Variants in TMX2 observed in about 807,000 individuals in gnomAD.
TMX2 encodes thioredoxin-related transmembrane protein 2.
In TMX2, 20 loss-of-function variants were observed where a neutral mutation model predicts 33.4. The observed-to-expected ratio is 0.60, with a 90% CI of 0.42 to 0.87. TMX2 has a LOEUF of 0.87. Ranked by LOEUF, TMX2 falls within the 40% of genes least tolerant of loss-of-function variation. The pLI is 0.00. For missense variants in TMX2, 340 were observed against 370.7 expected, an observed-to-expected ratio of 0.92 and a Z score of 0.68; for synonymous variants, 166 against 140.7, an observed-to-expected ratio of 1.18 and a Z score of -1.27.
intron 1 of TMX2, among the ~76,000 whole-genome samples, chr11:57,716,752 A>G (rs1389386617): frequency 1.9e-5 from 2 of 107,396 alleles, no homozygotes; most frequent in African/African-American, 7.4e-5. Flanking sequence ...GTGGCTGGCC[A>G]GGCAGAGGGG....
chr11:57,713,078 G>C (rs528917997), intron 1 of TMX2, among the ~76,000 whole-genome samples: 44 of 152,296 alleles, frequency 2.9e-4, no homozygotes, highest in African/African-American at 9.9e-4. Flanking sequence ...TCACCATTGA[G>C]ACTAATTAAC....
At chr11:57,737,753 A>G (rs1565234096) in intron 2 of TMX2, 85 bp downstream of exon 2, 2 of 1,564,618 alleles carry the variant, frequency 1.3e-6, no homozygotes, top group South Asian at 1.1e-5. Flanking sequence ...AGTGGCAATC[A>G]TTTGGTAAAT....
intron 1 of TMX2, among the ~76,000 whole-genome samples, chr11:57,724,077 A>T (rs1347762137): frequency 6.6e-6 from 1 of 151,940 alleles, no homozygotes; most frequent in East Asian, 1.9e-4. Context: ...TTTAAAAAAA[A>T]CTTTAGTGGA....
chr11:57,724,963 C>T lies in TMX2; in HGVS notation c.189+12156C>T, dbSNP rs548300563. ...TGGGGCAGGAGAATCACTTTGAACT[C>T]GGGTGGCAGAGGTTGCAGTGAGCCA... On this transcript the variant is annotated intron_variant, in intron 1 of 7. Coordinates refer to ENST00000278422, the MANE Select transcript of TMX2 (RefSeq NM_015959.4). Among the ~76,000 whole-genome samples the T allele has an allele frequency of 5.4e-5, 8 of 148,298 alleles. No individual in the cohort carries two copies. In the East Asian group the frequency reaches 8.1e-4, roughly 15 times the overall value.
intron 1 of TMX2, among the ~76,000 whole-genome samples, chr11:57,730,426 TAAAAAAAAAAAAA>T (rs61228178): frequency 4.2e-5 from 1 of 23,570 alleles, no homozygotes; most frequent in Admixed American, 8.9e-4. Context: ...AAACTGTCTT[TAAAAAAAAAAAAA>T]AAAAAAAAAA....
Position 57,712,799 on chromosome 11 carries a change from T to G in TMX2, c.181T>G (p.Phe61Val). 6.2e-7 allele frequency: 1 copy of G among 1,614,068 alleles called. No homozygotes were observed. Among genetic ancestry groups the G allele is most frequent in the Non-Finnish European group, 8.5e-7 (1 of 1,180,028 alleles). ...TQREDGNPCDFDWREVEILMF... is the reference protein window; with the variant it reads ...TQREDGNPCDVDWREVEILMF... ...ACGCGAAGACGGTAACCCGTGTGAC[T>G]TTGACTGGGTGAGCCTCCCGCGTGT... Residue 61 changes from phenylalanine (F) to valine (V), a missense_variant, in exon 1 of 8, where the codon TTT (phenylalanine) becomes GTT (valine). Physicochemically the swap from Phe to Val is conservative, Grantham distance 50. Coordinates refer to ENST00000278422, the MANE Select transcript of TMX2 (RefSeq NM_015959.4).
Position 57,712,666 on chromosome 11 carries a change from A to C in TMX2, c.48A>C (p.Arg16=), listed in dbSNP as rs1946679560. The C allele has an allele frequency of 6.2e-6, 10 of 1,614,154 alleles. No individual in the cohort carries two copies. Among genetic ancestry groups the C allele is most frequent in the Non-Finnish European group, 8.5e-6 (10 of 1,180,028 alleles). ...PLIALVYSVP[R]LSRWLAQPYY... is the part of the protein sequence containing the mutation. ...TTGCTCTCGTGTATTCGGTGCCGCG[A>C]CTTTCACGATGGCTCGCCCAACCTT... Residue 16 remains arginine, a synonymous_variant, in exon 1 of 8, where the codon CGA becomes CGC. Transcript: ENST00000278422.
intron 1 of TMX2, among the ~76,000 whole-genome samples, chr11:57,716,779 A>G (rs1288639088): frequency 4.0e-5 from 5 of 125,846 alleles, no homozygotes; most frequent in African/African-American, 1.5e-4. Context: ...ACTTCCCAGT[A>G]GGGGCGGCTG....
At chr11:57,731,433 CT>C (rs140987390) in intron 1 of TMX2, among the ~76,000 whole-genome samples, 2,736 of 67,058 alleles carry the variant, frequency 0.041, 53 homozygotes, top group African/African-American at 0.13. Flanking sequence ...CGCACCCAGC[CT>C]TTTTTTTTTT....
In TMX2 at chr11:57,739,191, T is replaced by A; in HGVS notation, c.675T>A (p.Gly225=). 6.2e-7 allele frequency: 1 copy of A among 1,613,986 alleles called. No individual in the cohort carries two copies. The highest frequency in any genetic ancestry group is 1.1e-5 in the South Asian group (1 of 91,064). ...TCCCTACCCTGATCCTGTTCCAAGG[T>A]GGCAAGGAGGCAATGCGGCGGCCAC... ...KQLPTLILFQ[G]GKEAMRRPQI... is the part of the protein sequence containing the mutation. Residue 225 remains glycine, a synonymous_variant, in exon 7 of 8, where the codon GGT becomes GGA. Coordinates refer to ENST00000278422, the MANE Select transcript of TMX2 (RefSeq NM_015959.4).
rs35186072 is a variant in TMX2, at chr11:57,712,732, C to T, written c.114C>T (p.Leu38=). ...CCCTGCTCTCTGCTGCCTTCCTACT[C>T]GTGAGGAAACTGCCGCCGCTCTGCC... The part of the protein sequence containing the change: ...LSALLSAAFL[L]VRKLPPLCHG... The change falls in exon 1 of 8, where the codon CTC becomes CTT. Residue 38 remains leucine, a synonymous_variant. Transcript: ENST00000278422. The T allele has an allele frequency of 0.014, 22,667 of 1,614,170 alleles. 207 individuals carry two copies. The highest frequency in any genetic ancestry group is 0.017 in the Non-Finnish European group (20,322 of 1,180,042).
chr11:57,716,694 C>T (rs1379474186), intron 1 of TMX2, among the ~76,000 whole-genome samples: 1 of 143,574 alleles, frequency 7.0e-6, no homozygotes, highest in African/African-American at 2.6e-5. Flanking sequence ...CCGGACGGGG[C>T]GGCAGGCCGG....
intron 7 of TMX2, 79 bp downstream of exon 7, chr11:57,739,339 C>T: frequency 2.7e-6 from 4 of 1,493,654 alleles, no homozygotes; most frequent in East Asian, 4.5e-5. Flanking sequence ...GTTTGATTCA[C>T]AGCTCTGCCA....
chr11:57,740,024 A>C, intron 7 of TMX2, 75 bp from the exon 8 acceptor site: 1 of 1,601,750 alleles, frequency 6.2e-7, no homozygotes, highest in Admixed American at 1.7e-5. Flanking sequence ...ACTTTGTGTA[A>C]AATACCTCTT....
intron 1 of TMX2, among the ~76,000 whole-genome samples, chr11:57,724,364 A>G (rs1947836676): frequency 6.6e-6 from 1 of 152,196 alleles, no homozygotes; most frequent in Non-Finnish European, 1.5e-5. Context: ...AGTATGTTTC[A>G]TATACAAGCC....
At chr11:57,736,366 C>T (rs1213136097) in intron 1 of TMX2, among the ~76,000 whole-genome samples, 1 of 151,382 alleles carries the variant, frequency 6.6e-6, no homozygotes, top group African/African-American at 2.4e-5. Flanking sequence ...TCAAAAATGT[C>T]TCATAATGTT....
At chr11:57,727,955 C>G (rs891371464) in intron 1 of TMX2, among the ~76,000 whole-genome samples, 1 of 152,240 alleles carries the variant, frequency 6.6e-6, no homozygotes, top group African/African-American at 2.4e-5. Context: ...AATTTACCTA[C>G]AGCCCCGCTT....
intron 5 of TMX2, 72 bp downstream of exon 5, chr11:57,738,842 CTTTT>C: frequency 3.8e-6 from 6 of 1,564,210 alleles, no homozygotes; most frequent in Non-Finnish European, 5.3e-6. Flanking sequence ...TTTGGCTTTT[CTTTT>C]TCTTTTGGCC....
At chr11:57,722,343 A>G (rs1187113907) in intron 1 of TMX2, among the ~76,000 whole-genome samples, 1 of 152,124 alleles carries the variant, frequency 6.6e-6, no homozygotes, top group Non-Finnish European at 1.5e-5. Context: ...AAAAGATAAA[A>G]GAGTTGAGAC....
Sources: allele counts gnomAD v4.1 joint callset (sites outside exome capture counted in the v4.1 genomes callset), GRCh38; gene constraint gnomAD v4.1.1; transcripts MANE v1.5; gene names NCBI Gene and HGNC (gene_info 2026-07-23, HGNC 2026-07-21).